Variants in GRIP1 observed in about 807,000 individuals in gnomAD.
GRIP1 encodes glutamate receptor-interacting protein 1.
Under a neutral mutation model 129.9 loss-of-function variants are expected in GRIP1, and 45 were observed. That is an observed-to-expected ratio of 0.35 (90% CI 0.27 to 0.44). The LOEUF (loss-of-function observed/expected upper bound fraction) is 0.44, where lower values mean the gene tolerates loss of function less well. Among genes scored for constraint, GRIP1 ranks in the 20% least tolerant of loss-of-function variants. The probability of loss-of-function intolerance (pLI) is 1.00; values close to 1 mark genes in which losing one functional copy is unlikely to be tolerated. For missense variants in GRIP1, 1,196 were observed against 1,396.8 expected (o/e 0.86, Z 2.29); for synonymous variants, 530 against 520.8 (o/e 1.02, Z -0.24).
In GRIP1 at chr12:66,517,985, G is replaced by C. The variant is rs935686307; in HGVS notation, c.503-9C>G. On this transcript the variant is annotated splice_polypyrimidine_tract_variant and intron_variant, in intron 5 of 24. Transcript: ENST00000359742. ...ATCATCATGTGCTCCCCCTAGCAAA[G>C]AAAAGGAACAGAGCTTAAAACTGCT... The C allele has an allele frequency of 1.3e-5, 20 of 1,518,808 alleles. No homozygotes were observed. The highest frequency in any genetic ancestry group is 1.7e-5 in the Non-Finnish European group (19 of 1,093,338). The allele number at this position is 1,518,808 out of a possible 1,614,324, so 94.1% of individuals were successfully genotyped here.
At chr12:66,846,480 G>A (rs992864235) in intron 1 of GRIP1, among the ~76,000 whole-genome samples, 1 of 152,256 alleles carries the variant, frequency 6.6e-6, no homozygotes, top group South Asian at 2.1e-4. Flanking sequence ...GTTTCTTGCT[G>A]TCTCATCACT....
rs1346606287 is a variant in GRIP1 at position 66,596,901 on chromosome 12, T to C, written c.82A>G (p.Ser28Gly). The C allele has an allele frequency of 6.2e-7, 1 of 1,613,578 alleles. No homozygotes were observed. Among genetic ancestry groups the C allele is most frequent in the Admixed American group, 1.7e-5 (1 of 60,016 alleles). The change falls in exon 2 of 25, where the codon AGC (serine) becomes GGC (glycine). Residue 28 changes from serine to glycine, a missense_variant. Ser to Gly is a moderately conservative substitution (Grantham distance 56). This residue lies in a region of GRIP1 where 217 missense variants were observed against 224.8 expected (regional missense o/e 0.97). Coordinates refer to ENST00000359742, the MANE Select transcript of GRIP1 (RefSeq NM_001366722.1). ...KDESPYTKSA[S>G]QTKPPDGALA... ...GCTCCATCAGGCGGCTTTGTCTGGC[T>C]GGCGGATTTAGTGTAGGGACTCTCA...
chr12:66,632,680 G>A (rs763618916), intron 1 of GRIP1, among the ~76,000 whole-genome samples: 2 of 152,058 alleles, frequency 1.3e-5, no homozygotes, highest in African/African-American at 4.8e-5. Flanking sequence ...TCTCTTTGGG[G>A]TCATAAACTC....
intron 5 of GRIP1, among the ~76,000 whole-genome samples, chr12:66,524,886 A>C (rs188932038): frequency 8.4e-4 from 128 of 152,350 alleles, no homozygotes; most frequent in African/African-American, 3.0e-3. Flanking sequence ...CTACCATCAG[A>C]GAATACTACA....
chr12:66,467,553 T>A (rs886694902), intron 7 of GRIP1, among the ~76,000 whole-genome samples: 1 of 152,158 alleles, frequency 6.6e-6, no homozygotes, highest in Admixed American at 6.6e-5. Flanking sequence ...TAGTAAAGAA[T>A]CCTTGTTAGT....
chr12:66,443,752 G>C (rs1649577345), intron 13 of GRIP1, among the ~76,000 whole-genome samples: 2 of 152,060 alleles, frequency 1.3e-5, no homozygotes, highest in African/African-American at 2.4e-5. Context: ...TACCATGCCT[G>C]GCCTACTGCA....
rs894807090 is a variant in GRIP1 at position 66,437,000 on chromosome 12, G to T, written c.1688-4372C>A. ...AAAAAAAAAAAAAAAAAAAAAAGGA[G>T]AAAAGGGAGAGAGATTTGGGCAAAA... On this transcript the variant is annotated intron_variant, in intron 13 of 24. Coordinates refer to ENST00000359742, the MANE Select transcript of GRIP1 (RefSeq NM_001366722.1). Among the ~76,000 whole-genome samples, 6 of 148,000 alleles carry T rather than the reference G, an allele frequency of 4.1e-5. No homozygotes were observed. In the East Asian group the frequency reaches 9.8e-4, roughly 24 times the overall value.
At chr12:66,750,145 C>G (rs1566002049) in intron 1 of GRIP1, among the ~76,000 whole-genome samples, 1 of 152,102 alleles carries the variant, frequency 6.6e-6, no homozygotes, top group African/African-American at 2.4e-5. Flanking sequence ...GCTTACTTTC[C>G]TTTGCCCAAT....
chr12:66,449,885 T>C (rs1269497296), intron 11 of GRIP1, among the ~76,000 whole-genome samples: 1 of 152,190 alleles, frequency 6.6e-6, no homozygotes, highest in African/African-American at 2.4e-5. Flanking sequence ...GACTCTTTTA[T>C]AGGTTCATAT....
At chr12:66,801,887 C>T (rs1045573948) in intron 1 of GRIP1, among the ~76,000 whole-genome samples, 24 of 152,032 alleles carry the variant, frequency 1.6e-4, no homozygotes, top group Non-Finnish European at 3.2e-4. Flanking sequence ...TTTTCTAAGC[C>T]GTCTCGAGAA....
chr12:67,009,982 T>C (rs2042681046), intron 1 of GRIP1, among the ~76,000 whole-genome samples: 2 of 152,146 alleles, frequency 1.3e-5, no homozygotes, highest in South Asian at 4.1e-4. Context: ...GAGAGAGGTG[T>C]AATGAATGCA....
intron 1 of GRIP1, among the ~76,000 whole-genome samples, chr12:66,795,053 G>A (rs1272438120): frequency 6.6e-6 from 1 of 152,148 alleles, no homozygotes; most frequent in Non-Finnish European, 1.5e-5. Flanking sequence ...ATTATAAGCA[G>A]GGTGAAATGT....
intron 1 of GRIP1, among the ~76,000 whole-genome samples, chr12:66,789,051 T>C (rs1285705191): frequency 6.6e-6 from 1 of 152,200 alleles, no homozygotes; most frequent in African/African-American, 2.4e-5. Flanking sequence ...TCTCAATTAC[T>C]TTATTTTTAG....
chr12:66,863,781 T>G (rs1205880783), intron 1 of GRIP1, among the ~76,000 whole-genome samples: 1 of 152,130 alleles, frequency 6.6e-6, no homozygotes, highest in South Asian at 2.1e-4. Context: ...TGCAGATCGA[T>G]AATTTTATAA....
intron 1 of GRIP1, among the ~76,000 whole-genome samples, chr12:66,813,245 A>T (rs572010372): frequency 9.9e-5 from 15 of 152,144 alleles, no homozygotes; most frequent in Non-Finnish European, 2.2e-4. Flanking sequence ...AGCAAGAGAG[A>T]GGAAAAGGTG....
intron 1 of GRIP1, among the ~76,000 whole-genome samples, chr12:67,042,682 A>G (rs1250552040): frequency 3.3e-5 from 5 of 152,206 alleles, no homozygotes; most frequent in African/African-American, 1.2e-4. Flanking sequence ...CCAGTCATCA[A>G]GAGGCCAGGA....
intron 1 of GRIP1, among the ~76,000 whole-genome samples, chr12:66,746,650 C>T (rs934356634): frequency 6.6e-6 from 1 of 152,176 alleles, no homozygotes; most frequent in African/African-American, 2.4e-5. Context: ...CTTAGAATAC[C>T]TGCATTACCC....
chr12:66,519,620 G>C (rs973095426), intron 5 of GRIP1, among the ~76,000 whole-genome samples: 15 of 152,144 alleles, frequency 9.9e-5, no homozygotes, highest in African/African-American at 3.6e-4. Flanking sequence ...AATGAACCAA[G>C]TTCCCTGTGT....
intron 1 of GRIP1, among the ~76,000 whole-genome samples, chr12:66,645,159 G>A (rs1479507509): frequency 6.6e-6 from 1 of 152,128 alleles, no homozygotes; most frequent in Non-Finnish European, 1.5e-5. Flanking sequence ...ACTGGAATGG[G>A]CTAATTGAAT....
Sources: allele counts gnomAD v4.1 joint callset (sites outside exome capture counted in the v4.1 genomes callset), GRCh38; gene constraint gnomAD v4.1.1; regional missense constraint gnomAD v4.1.1; transcripts MANE v1.5; gene names NCBI Gene and HGNC (gene_info 2026-07-23, HGNC 2026-07-21).